CHRM3: variants seen among roughly 807,000 people sequenced by gnomAD.
CHRM3 encodes the protein cholinergic receptor muscarinic 3.
Under a neutral mutation model 41.8 loss-of-function variants are expected in CHRM3, and 11 were observed. The observed-to-expected ratio is 0.26, with a 90% CI of 0.17 to 0.44. The LOEUF (loss-of-function observed/expected upper bound fraction) is 0.44, where lower values mean the gene tolerates loss of function less well. Among genes scored for constraint, CHRM3 ranks in the 20% least tolerant of loss-of-function variants. The pLI, the probability that CHRM3 is intolerant of heterozygous loss-of-function variation, is 1.00. For missense variants in CHRM3, 571 were observed against 745.4 expected, an observed-to-expected ratio of 0.77 and a Z score of 2.72; for synonymous variants, 297 against 301.4, an observed-to-expected ratio of 0.99 and a Z score of 0.15.
At chr1:239,782,156 A>G (rs1119294) in intron 5 of CHRM3, among the ~76,000 whole-genome samples, 6,527 of 152,162 alleles carry the variant, frequency 0.043, 416 homozygotes, top group African/African-American at 0.13. Context: ...ATCTGCTTCT[A>G]TCTGCTGAAA....
intron 5 of CHRM3, among the ~76,000 whole-genome samples, chr1:239,819,879 A>G (rs1671894879): frequency 1.3e-5 from 2 of 152,130 alleles, no homozygotes; most frequent in Non-Finnish European, 1.5e-5. Flanking sequence ...GGAATTCCGT[A>G]CTTCCCTCCC....
chr1:239,391,404 C>T (rs1013018249), intron 1 of CHRM3, among the ~76,000 whole-genome samples: 2 of 152,144 alleles, frequency 1.3e-5, no homozygotes, highest in Non-Finnish European at 2.9e-5. Flanking sequence ...CAGCACTGAG[C>T]GCCAGTATGT....
chr1:239,569,883 G>A (rs1311731275), intron 3 of CHRM3, among the ~76,000 whole-genome samples: 1 of 152,116 alleles, frequency 6.6e-6, no homozygotes, highest in Non-Finnish European at 1.5e-5. Context: ...GATGATGTCT[G>A]TAGATATATA....
intron 2 of CHRM3, among the ~76,000 whole-genome samples, chr1:239,540,335 T>G (rs1248769297): frequency 6.6e-6 from 1 of 152,248 alleles, no homozygotes; most frequent in Non-Finnish European, 1.5e-5. Flanking sequence ...TGTGTCTATT[T>G]TAAGTGAAGT....
intron 6 of CHRM3, among the ~76,000 whole-genome samples, chr1:239,892,096 A>T (rs138360357): frequency 2.8e-4 from 42 of 152,280 alleles, no homozygotes; most frequent in Non-Finnish European, 5.6e-4. Flanking sequence ...TATTCCTCTC[A>T]TGTTTTAGAA....
intron 2 of CHRM3, among the ~76,000 whole-genome samples, chr1:239,535,121 G>C (rs1658067414): frequency 6.6e-6 from 1 of 152,116 alleles, no homozygotes; most frequent in Non-Finnish European, 1.5e-5. Context: ...ACTTTGATCA[G>C]AACCTCAGAA....
intron 6 of CHRM3, among the ~76,000 whole-genome samples, chr1:239,906,634 G>A (rs577675431): frequency 6.6e-6 from 1 of 152,278 alleles, no homozygotes; most frequent in African/African-American, 2.4e-5. Context: ...CAGTTTTGCA[G>A]TTTTTATATG....
At chr1:239,743,852 G>T (rs779732447) in intron 5 of CHRM3, among the ~76,000 whole-genome samples, 8 of 128,082 alleles carry the variant, frequency 6.2e-5, no homozygotes, top group Non-Finnish European at 9.3e-5. Flanking sequence ...GAGTGCAGCA[G>T]TGCGATCATA....
At chr1:239,654,591 G>A (rs1490663416) in intron 4 of CHRM3, among the ~76,000 whole-genome samples, 2 of 152,126 alleles carry the variant, frequency 1.3e-5, no homozygotes, top group Non-Finnish European at 2.9e-5. Context: ...TGGAGACGGG[G>A]TTTTACCATG....
At chr1:239,519,723 C>T (rs1186755599) in intron 2 of CHRM3, among the ~76,000 whole-genome samples, 2 of 145,904 alleles carry the variant, frequency 1.4e-5, no homozygotes, top group Non-Finnish European at 3.0e-5. Context: ...GCCATTTTCA[C>T]GTGGTTAAAA....
At chr1:239,868,004 C>T (rs1676259654) in intron 6 of CHRM3, among the ~76,000 whole-genome samples, 1 of 152,154 alleles carries the variant, frequency 6.6e-6, no homozygotes, top group Non-Finnish European at 1.5e-5. Context: ...CACAGGCAAG[C>T]CAAGGAGGAG....
At position 239,912,461 on chromosome 1, in the gene CHRM3, G is replaced by C. The variant is rs72760746; in HGVS notation, c.*3237G>C. On this transcript the variant is annotated 3_prime_UTR_variant, in exon 7 of 7. Coordinates refer to ENST00000676153, the MANE Select transcript of CHRM3 (RefSeq NM_001375978.1). ...ATGAAAACAAACAAGAAGCCTAAGC[G>C]TTAGACCCTGCTGTGGCTAAAGATC... 6.0e-6 allele frequency: 1 copy of C among 167,110 alleles called. No individual in the cohort carries two copies. The highest frequency in any genetic ancestry group is 2.1e-4 in the South Asian group (1 of 4,838). The allele number at this position is 167,110 out of a possible 1,614,324, so 10.4% of individuals were successfully genotyped here.
intron 5 of CHRM3, among the ~76,000 whole-genome samples, chr1:239,785,005 G>T (rs959579826): frequency 6.6e-6 from 1 of 152,186 alleles, no homozygotes; most frequent in African/African-American, 2.4e-5. Flanking sequence ...TGTCTAGAAT[G>T]TTCATTGTCT....
intron 1 of CHRM3, among the ~76,000 whole-genome samples, chr1:239,489,798 C>G (rs1008995010): frequency 8.6e-5 from 13 of 152,032 alleles, no homozygotes; most frequent in African/African-American, 3.1e-4. Flanking sequence ...TACATGTATC[C>G]AGAACTTATG....
chr1:239,797,658 G>T (rs1330298880), intron 5 of CHRM3, among the ~76,000 whole-genome samples: 1 of 152,136 alleles, frequency 6.6e-6, no homozygotes, highest in Non-Finnish European at 1.5e-5. Flanking sequence ...TATTTTCAGT[G>T]CAGTTGTCAT....
Position 239,551,107 on chromosome 1 carries a change from TTGGGAAAGG to T in CHRM3, c.-313+5362_-313+5370del, listed in dbSNP as rs772385911. ...AAGGAAGTCCCCTAACATTAGTCAT[TTGGGAAAGG>T]TGGAAAATGCATATAAGTGTTACCA... On this transcript the variant is annotated intron_variant, in intron 3 of 6. Coordinates refer to ENST00000676153, the MANE Select transcript of CHRM3 (RefSeq NM_001375978.1). Among the ~76,000 whole-genome samples, 69 of 150,452 alleles carry T rather than the reference TTGGGAAAGG, an allele frequency of 4.6e-4. 1 individual carries two copies. Among genetic ancestry groups the T allele is most frequent in the Non-Finnish European group, 8.7e-4 (59 of 67,682 alleles).
chr1:239,499,079 T>A (rs910927052), intron 2 of CHRM3, among the ~76,000 whole-genome samples: 1 of 152,166 alleles, frequency 6.6e-6, no homozygotes, highest in Non-Finnish European at 1.5e-5. Flanking sequence ...CATTCAAGGC[T>A]GGTATCTTTC....
intron 4 of CHRM3, among the ~76,000 whole-genome samples, chr1:239,635,154 G>A (rs1261631638): frequency 1.3e-5 from 2 of 151,904 alleles, no homozygotes; most frequent in East Asian, 3.9e-4. Context: ...ATCTTGTCTT[G>A]CCTGGACAAT....
intron 2 of CHRM3, among the ~76,000 whole-genome samples, chr1:239,497,340 G>C (rs1372094121): frequency 2.0e-5 from 3 of 152,178 alleles, no homozygotes; most frequent in Non-Finnish European, 4.4e-5. Context: ...GAGTAATAAT[G>C]GCAGAGGGTG....
Sources: allele counts gnomAD v4.1 joint callset (sites outside exome capture counted in the v4.1 genomes callset), GRCh38; gene constraint gnomAD v4.1.1; transcripts MANE v1.5; gene names NCBI Gene and HGNC (gene_info 2026-07-23, HGNC 2026-07-21).